The following DTWD1 variants were observed in gnomAD, a reference collection of about 807,000 sequenced individuals.
DTWD1 encodes the protein DTW motif tRNA-uridine aminocarboxypropyltransferase 1.
Under a neutral mutation model 30.2 loss-of-function variants are expected in DTWD1, and 27 were observed. The ratio of observed to expected loss-of-function variants is 0.90; its 90% CI spans 0.66 to 1.23. The LOEUF (loss-of-function observed/expected upper bound fraction) is 1.23. Among genes scored for constraint, DTWD1 ranks in the 50% most tolerant of loss-of-function variants. DTWD1 has a pLI of 0.00. For missense variants in DTWD1, 342 were observed against 348.8 expected (o/e 0.98, Z 0.15); for synonymous variants, 99 against 113.1 (o/e 0.88, Z 0.79).
At position 49,650,676 on chromosome 15, in the gene DTWD1, A is replaced by G. The variant is rs1397509621; in HGVS notation, c.*7098A>G. ...CTTCACCTGAGGTTACCCTCGTCTT[A>G]GATCTCAGGGCAGCCCTCAGTGGAG... is the stretch of plus-strand genomic sequence containing the variant. On this transcript the variant is annotated 3_prime_UTR_variant, in exon 5 of 5. Transcript: ENST00000403028. The G allele has an allele frequency of 6.6e-6, 1 of 152,176 alleles. No individual in the cohort carries two copies. Among genetic ancestry groups the G allele is most frequent in the Non-Finnish European group, 1.5e-5 (1 of 68,028 alleles). 9.4% of individuals were successfully genotyped at this position (152,176 alleles called of 1,614,324 possible).
Position 49,652,510 on chromosome 15 carries a change from A to G in DTWD1, c.*8932A>G, listed in dbSNP as rs1417481550. 6.6e-6 allele frequency: 1 copy of G among 150,794 alleles called. No individual in the cohort carries two copies. Among genetic ancestry groups the G allele is most frequent in the Non-Finnish European group, 1.5e-5 (1 of 68,110 alleles). The allele number at this position is 150,794 out of a possible 1,614,324, so 9.3% of individuals were successfully genotyped here. ...CTCTCAAGGAATGTGGGTCTGAATTATACCAGATAAACCACCAGGAGCAGC... is the reference window on the plus strand; with the variant it reads ...CTCTCAAGGAATGTGGGTCTGAATTGTACCAGATAAACCACCAGGAGCAGC... On this transcript the variant is annotated 3_prime_UTR_variant, in exon 5 of 5. Transcript: ENST00000403028.
intron 2 of DTWD1, among the ~76,000 whole-genome samples, chr15:49,628,984 C>G (rs2078882579): frequency 6.6e-6 from 1 of 152,148 alleles, no homozygotes; most frequent in African/African-American, 2.4e-5. Flanking sequence ...TATCCCTCCC[C>G]TAGCTCCCCA....
At chr15:49,642,788 A>C (rs2079080721) in intron 4 of DTWD1, among the ~76,000 whole-genome samples, 1 of 152,082 alleles carries the variant, frequency 6.6e-6, no homozygotes, top group African/African-American at 2.4e-5. Context: ...TTAGCTGGAT[A>C]TGGTGGTGTG....
At chr15:49,626,851 A>T (rs1229170190) in intron 2 of DTWD1, 2 of 402,612 alleles carry the variant, frequency 5.0e-6, no homozygotes, top group Non-Finnish European at 1.0e-5. Context: ...GTGGAATTTA[A>T]TATGATCTTC....
chr15:49,626,493 A>G (rs918919096), intron 2 of DTWD1, among the ~76,000 whole-genome samples: 1 of 152,176 alleles, frequency 6.6e-6, no homozygotes, highest in African/African-American at 2.4e-5. Context: ...TACATAATCA[A>G]AGAATTTATT....
chr15:49,643,448 A>T lies in DTWD1; in HGVS notation c.785A>T (p.His262Leu). The change falls in exon 5 of 5, where the codon CAT becomes CTT. Residue 262 changes from histidine (H) to leucine (L), a missense_variant. His to Leu is a moderately conservative substitution (Grantham distance 99). Transcript: ENST00000403028. Reference sequence around the variant, plus strand: ...ATTTACTACTTTCTGGTAGACTACCATACTGATATATTAAAAGAGAAATAC... The same window carrying T: ...ATTTACTACTTTCTGGTAGACTACCTTACTGATATATTAAAAGAGAAATAC... ...EAIYYFLVDYHTDILKEKYRG... is the reference protein window; with the variant it reads ...EAIYYFLVDYLTDILKEKYRG... 1.2e-6 allele frequency: 2 copies of T among 1,609,962 alleles called. No homozygotes were observed. The highest frequency in any genetic ancestry group is 1.7e-6 in the Non-Finnish European group (2 of 1,178,024).
At position 49,644,447 on chromosome 15, in the gene DTWD1, G is replaced by C. The variant is rs2079101421; in HGVS notation, c.*869G>C. The C allele has an allele frequency of 6.6e-6, 1 of 152,114 alleles. No individual in the cohort carries two copies. Among genetic ancestry groups the C allele is most frequent in the South Asian group, 2.1e-4 (1 of 4,830 alleles). 9.4% of individuals were successfully genotyped at this position (152,114 alleles called of 1,614,324 possible). A position where few individuals can be genotyped will look rare whatever the true frequency, so the allele number is the denominator to read the frequency against. On this transcript the variant is annotated 3_prime_UTR_variant, in exon 5 of 5. Coordinates refer to ENST00000403028, the MANE Select transcript of DTWD1 (RefSeq NM_001144955.2). Reference sequence around the variant, plus strand: ...ATCATTTATTTACCTAGACCTAGCTGCTTGTGAATAGAGCCCTACTGTGCT... The same window carrying C: ...ATCATTTATTTACCTAGACCTAGCTCCTTGTGAATAGAGCCCTACTGTGCT...
At chr15:49,625,592 C>T in intron 2 of DTWD1, 161 bp downstream of exon 2, 1 of 734,166 alleles carries the variant, frequency 1.4e-6, no homozygotes, top group Non-Finnish European at 2.1e-6. Flanking sequence ...CAGAAAATTT[C>T]TCAGCAGGGC....
chr15:49,632,684 A>T (rs1056190097), intron 3 of DTWD1, among the ~76,000 whole-genome samples: 2 of 152,204 alleles, frequency 1.3e-5, no homozygotes, highest in Non-Finnish European at 2.9e-5. Context: ...TCTCTAAAAG[A>T]AGAAAGACTG....
chr15:49,637,007 A>G (rs2079011281), intron 4 of DTWD1, among the ~76,000 whole-genome samples: 1 of 152,190 alleles, frequency 6.6e-6, no homozygotes, highest in Non-Finnish European at 1.5e-5. Context: ...TTTAGTATTC[A>G]TTGATGATCC....
Position 49,651,563 on chromosome 15 carries a change from CA to C in DTWD1, c.*7987del, listed in dbSNP as rs2079152429. The C allele has an allele frequency of 6.6e-6, 1 of 152,138 alleles. No individual in the cohort carries two copies. Among genetic ancestry groups the C allele is most frequent in the Non-Finnish European group, 1.5e-5 (1 of 68,044 alleles). The allele number at this position is 152,138 out of a possible 1,614,324, so 9.4% of individuals were successfully genotyped here. A position where few individuals can be genotyped will look rare whatever the true frequency, so the allele number is the denominator to read the frequency against. ...CTGCTGCTGTTGAATGTCCAACCTACAAGCAACACAGACAATACTGCACCCC... is the reference window on the plus strand; with the variant it reads ...CTGCTGCTGTTGAATGTCCAACCTACAGCAACACAGACAATACTGCACCCC... On this transcript the variant is annotated 3_prime_UTR_variant, in exon 5 of 5. Transcript: ENST00000403028.
chr15:49,649,178 A>G lies in DTWD1; in HGVS notation c.*5600A>G, dbSNP rs2079138253. The G allele has an allele frequency of 6.6e-6, 1 of 152,216 alleles. No individual in the cohort carries two copies. Among genetic ancestry groups the G allele is most frequent in the South Asian group, 2.1e-4 (1 of 4,832 alleles). 9.4% of individuals were successfully genotyped at this position (152,216 alleles called of 1,614,324 possible). A position where few individuals can be genotyped will look rare whatever the true frequency, so the allele number is the denominator to read the frequency against. ...AGAAATAGGTCGTATATCGACCAAT[A>G]ATCAGGATATTAAAGGACTTCTTAA... On this transcript the variant is annotated 3_prime_UTR_variant, in exon 5 of 5. Coordinates refer to ENST00000403028, the MANE Select transcript of DTWD1 (RefSeq NM_001144955.2).
At chr15:49,641,927 C>G (rs2079069959) in intron 4 of DTWD1, among the ~76,000 whole-genome samples, 1 of 151,906 alleles carries the variant, frequency 6.6e-6, no homozygotes, top group Non-Finnish European at 1.5e-5. Context: ...TTATATTTAT[C>G]CTGCTCGAGA....
At chr15:49,628,564 C>G (rs992354111) in intron 2 of DTWD1, among the ~76,000 whole-genome samples, 1 of 152,166 alleles carries the variant, frequency 6.6e-6, no homozygotes, top group Non-Finnish European at 1.5e-5. Flanking sequence ...TTAAAAGGCT[C>G]TCTTGGGGAA....
chr15:49,628,347 A>C (rs2078872754), intron 2 of DTWD1, among the ~76,000 whole-genome samples: 1 of 152,236 alleles, frequency 6.6e-6, no homozygotes, highest in Non-Finnish European at 1.5e-5. Flanking sequence ...AAAACTAAAA[A>C]AATTAAGTGT....
In DTWD1 at chr15:49,634,666, GAACTGAAGAAC is replaced by G; in HGVS notation, c.542_552del (p.Thr181ArgfsTer4). 6.2e-7 allele frequency: 1 copy of G among 1,613,610 alleles called. No homozygotes were observed. Among genetic ancestry groups the G allele is most frequent in the Non-Finnish European group, 8.5e-7 (1 of 1,179,788 alleles). ...GACAAGCCATCTTTTAAACGCAAAA[GAACTGAAGAAC>G]AAGAGTTCTGTGATTTGAATGACAG... On this transcript the variant is annotated frameshift_variant, in exon 4 of 5. Coordinates refer to ENST00000403028, the MANE Select transcript of DTWD1 (RefSeq NM_001144955.2). LOFTEE classifies it high-confidence loss of function.
chr15:49,628,297 A>G (rs566075451), intron 2 of DTWD1, among the ~76,000 whole-genome samples: 3 of 152,326 alleles, frequency 2.0e-5, no homozygotes, highest in South Asian at 2.1e-4. Context: ...GCTATTTTAC[A>G]GTTAACATTT....
intron 2 of DTWD1, among the ~76,000 whole-genome samples, chr15:49,629,323 A>AT (rs1438886385): frequency 2.6e-5 from 4 of 152,178 alleles, no homozygotes; most frequent in Non-Finnish European, 5.9e-5. Context: ...ACTTTAGTTC[A>AT]TAAAGCTTTT....
chr15:49,633,049 C>CTATATATATATCTATATA (rs2078948396), intron 3 of DTWD1, among the ~76,000 whole-genome samples: 1 of 117,314 alleles, frequency 8.5e-6, no homozygotes, highest in Admixed American at 8.5e-5. Flanking sequence ...ATATCTATAT[C>CTATATATATATCTATATA]TATATATATA....
Sources: allele counts gnomAD v4.1 joint callset (sites outside exome capture counted in the v4.1 genomes callset), GRCh38; gene constraint gnomAD v4.1.1; transcripts MANE v1.5; gene names NCBI Gene and HGNC (gene_info 2026-07-23, HGNC 2026-07-21).